Variants in HECW2 observed in about 807,000 individuals in gnomAD.
The protein encoded by HECW2 is E3 ubiquitin-protein ligase HECW2.
Under a neutral mutation model 175.2 loss-of-function variants are expected in HECW2, and 61 were observed. The ratio of observed to expected loss-of-function variants is 0.35; its 90% confidence interval spans 0.28 to 0.43. The LOEUF is 0.43. HECW2 is among the 20% of genes least tolerant of loss of function. The pLI, the probability that HECW2 is intolerant of heterozygous loss-of-function variation, is 1.00. For synonymous variants in HECW2, 671 were observed against 731.0 expected, an observed-to-expected ratio of 0.92 and a Z score of 1.32; for missense variants, 1,524 against 2,000.5, an observed-to-expected ratio of 0.76 and a Z score of 4.54.
At chr2:196,350,826 G>A (rs1575447386) in intron 2 of HECW2, among the ~76,000 whole-genome samples, 1 of 152,216 alleles carries the variant, frequency 6.6e-6, no homozygotes, top group African/African-American at 2.4e-5. Context: ...GGAAAAAAGA[G>A]GAGGAATGAT....
At chr2:196,488,141 G>C (rs549466289) in intron 1 of HECW2, among the ~76,000 whole-genome samples, 3 of 152,282 alleles carry the variant, frequency 2.0e-5, no homozygotes, top group Admixed American at 1.3e-4. Context: ...GGATCTACAA[G>C]CATAGAAGTC....
chr2:196,520,585 T>C (rs576611862), intron 1 of HECW2, among the ~76,000 whole-genome samples: 2 of 152,236 alleles, frequency 1.3e-5, no homozygotes, highest in African/African-American at 4.8e-5. Context: ...AGTCTAAAAG[T>C]TGCTTTCACT....
At chr2:196,256,037 C>T (rs1350099449) in intron 18 of HECW2, among the ~76,000 whole-genome samples, 1 of 152,026 alleles carries the variant, frequency 6.6e-6, no homozygotes, top group Non-Finnish European at 1.5e-5. Context: ...CTCACCACTG[C>T]ACTCCAGCCT....
intron 1 of HECW2, among the ~76,000 whole-genome samples, chr2:196,471,626 T>A (rs1041219157): frequency 2.0e-5 from 3 of 152,180 alleles, no homozygotes; most frequent in African/African-American, 7.2e-5. Context: ...CATGGAATAC[T>A]AGGCAGCCAT....
At chr2:196,264,702 A>G (rs2105943514) in intron 17 of HECW2, among the ~76,000 whole-genome samples, 1 of 152,358 alleles carries the variant, frequency 6.6e-6, no homozygotes, top group Middle Eastern at 3.4e-3. Flanking sequence ...TCAAGTTGAC[A>G]TTAATAGTTA....
chr2:196,243,767 C>CGTGGTTTCTCCATGTTGGTCAGG (rs1688550797), intron 19 of HECW2, among the ~76,000 whole-genome samples: 1 of 151,938 alleles, frequency 6.6e-6, no homozygotes, highest in Non-Finnish European at 1.5e-5. Context: ...TTAGCAGGGA[C>CGTGGTTTCTCCATGTTGGTCAGG]GTGGTTTCTC....
chr2:196,524,922 G>A (rs1438624667), intron 1 of HECW2, among the ~76,000 whole-genome samples: 6 of 137,126 alleles, frequency 4.4e-5, no homozygotes, highest in African/African-American at 1.3e-4. Context: ...TGGAATAGGT[G>A]TGGTGTGGTG....
At chr2:196,579,353 A>G (rs560580046) in intron 1 of HECW2, among the ~76,000 whole-genome samples, 1 of 152,274 alleles carries the variant, frequency 6.6e-6, no homozygotes, top group East Asian at 1.9e-4. Context: ...CTCTTCTACA[A>G]GACAAGTAGA....
intron 19 of HECW2, among the ~76,000 whole-genome samples, chr2:196,245,606 T>A (rs893622602): frequency 1.3e-5 from 2 of 152,174 alleles, no homozygotes; most frequent in African/African-American, 2.4e-5. Flanking sequence ...GACTGTTGCA[T>A]AAGAGATCCC....
At chr2:196,588,958 T>C (rs1022739320) in intron 1 of HECW2, among the ~76,000 whole-genome samples, 1 of 152,132 alleles carries the variant, frequency 6.6e-6, no homozygotes, top group African/African-American at 2.4e-5. Context: ...TCCCAACACT[T>C]TGGGAGGCCG....
At chr2:196,404,308 T>C (rs2125213144) in intron 2 of HECW2, among the ~76,000 whole-genome samples, 1 of 152,298 alleles carries the variant, frequency 6.6e-6, no homozygotes, top group South Asian at 2.1e-4. Context: ...GCCTAAGCAT[T>C]AGTCATGCCT....
At chr2:196,461,274 A>T (rs1696733489) in intron 1 of HECW2, among the ~76,000 whole-genome samples, 1 of 152,196 alleles carries the variant, frequency 6.6e-6, no homozygotes, top group Non-Finnish European at 1.5e-5. Context: ...GAAGACAATG[A>T]ACAAGGAACT....
Position 196,325,040 on chromosome 2 carries a change from G to A in HECW2, c.681C>T (p.His227=), listed in dbSNP as rs760309516. The change falls in exon 6 of 29, where the codon CAC becomes CAT. Residue 227 remains histidine, a synonymous_variant. Coordinates refer to ENST00000644978, the MANE Select transcript of HECW2 (RefSeq NM_001348768.2). ...KKSSFPTCAH[H]GQERRSTIIS... The stretch of plus-strand genomic sequence containing the variant: ...TGATAGTAGACCGTCTCTCCTGCCC[G>A]TGGTGGGCACAGGTGGGGAAACTGC... The A allele has an allele frequency of 2.9e-5, 46 of 1,611,332 alleles. No homozygotes were observed. Among genetic ancestry groups the A allele is most frequent in the South Asian group, 5.5e-5 (5 of 90,766 alleles).
intron 1 of HECW2, among the ~76,000 whole-genome samples, chr2:196,434,544 C>A (rs1028538163): frequency 3.3e-5 from 5 of 152,178 alleles, no homozygotes; most frequent in Admixed American, 1.3e-4. Context: ...TTTAACGCAG[C>A]ACAACTAAGG....
At chr2:196,542,916 C>A (rs1239517016) in intron 1 of HECW2, among the ~76,000 whole-genome samples, 1 of 147,110 alleles carries the variant, frequency 6.8e-6, no homozygotes, top group African/African-American at 2.5e-5. Flanking sequence ...TAATATAGAT[C>A]TATAGATATA....
chr2:196,413,763 T>C (rs1304538368), intron 2 of HECW2, among the ~76,000 whole-genome samples: 1 of 152,212 alleles, frequency 6.6e-6, no homozygotes, highest in East Asian at 1.9e-4. Context: ...ACTTGAACCC[T>C]TACTTCTGCT....
intron 1 of HECW2, among the ~76,000 whole-genome samples, chr2:196,573,704 C>T (rs1170586099): frequency 2.0e-5 from 3 of 152,066 alleles, no homozygotes; most frequent in East Asian, 3.9e-4. Context: ...GCGGATGCCT[C>T]GGCAGCAATA....
intron 14 of HECW2, chr2:196,288,495 T>C (rs1346072657): frequency 6.6e-6 from 1 of 152,180 alleles, no homozygotes; most frequent in Non-Finnish European, 1.5e-5. Flanking sequence ...GCTGTGAAAA[T>C]GCCATTCTCT....
At position 196,561,984 on chromosome 2, in the gene HECW2, G is replaced by A. The variant is rs1326213777; in HGVS notation, c.-36+31524C>T. ...ACTAAGAATAAGTTATGCCAAACACGTTATTTCCTTTTGACATGGTTAGGA... is the reference window on the plus strand; with the variant it reads ...ACTAAGAATAAGTTATGCCAAACACATTATTTCCTTTTGACATGGTTAGGA... On this transcript the variant is annotated intron_variant, in intron 1 of 28. Transcript: ENST00000644978. 3.3e-5 allele frequency among the ~76,000 whole-genome samples: 5 copies of A among 152,290 alleles called. No homozygotes were observed. The East Asian group carries it at 5.8e-4, about 18-fold the overall frequency.
Sources: allele counts gnomAD v4.1 joint callset (sites outside exome capture counted in the v4.1 genomes callset), GRCh38; gene constraint gnomAD v4.1.1; transcripts MANE v1.5; gene names NCBI Gene and HGNC (gene_info 2026-07-23, HGNC 2026-07-21).